Variants in MAST4 observed in about 807,000 individuals in gnomAD.
MAST4 encodes microtubule-associated serine/threonine-protein kinase 4.
Under a neutral mutation model 162.7 loss-of-function variants are expected in MAST4, and 89 were observed. The ratio of observed to expected loss-of-function variants is 0.55; its 90% confidence interval spans 0.46 to 0.65. MAST4 has a LOEUF of 0.65. Among genes scored for constraint, MAST4 ranks in the 30% least tolerant of loss-of-function variants. The pLI is 0.00. For missense variants in MAST4, 3,153 were observed against 3,374.0 expected (o/e 0.93, Z 1.62); for synonymous variants, 1,479 against 1,361.1 (o/e 1.09, Z -1.91).
At chr5:67,049,751 G>T (rs909173617) in intron 4 of MAST4, among the ~76,000 whole-genome samples, 9 of 152,300 alleles carry the variant, frequency 5.9e-5, no homozygotes, top group African/African-American at 2.2e-4. Context: ...ATCACTGCCT[G>T]TCGGGGTTTC....
At chr5:67,121,498 A>G (rs1486073177) in intron 14 of MAST4, among the ~76,000 whole-genome samples, 2 of 151,664 alleles carry the variant, frequency 1.3e-5, no homozygotes, top group East Asian at 1.9e-4. Flanking sequence ...CTACATGAAA[A>G]TTAGCCTGTA....
chr5:67,072,966 T>G (rs564704272), intron 5 of MAST4, among the ~76,000 whole-genome samples: 2 of 152,364 alleles, frequency 1.3e-5, no homozygotes, highest in South Asian at 4.1e-4. Context: ...ATTGTTATTT[T>G]CCCCAAATTA....
chr5:67,111,131 ACTGTGAACAAATATTTGT>A (rs1353670001), intron 11 of MAST4, among the ~76,000 whole-genome samples: 5 of 152,210 alleles, frequency 3.3e-5, no homozygotes, highest in African/African-American at 1.2e-4. Context: ...TTCAGTTAAA[ACTGTGAACAAATATTTGT>A]CTGTGAACAT....
intron 4 of MAST4, among the ~76,000 whole-genome samples, chr5:67,049,524 ATAGT>A (rs1054843368): frequency 2.0e-5 from 3 of 152,154 alleles, no homozygotes; most frequent in African/African-American, 4.8e-5. Flanking sequence ...GTGTGAGGAA[ATAGT>A]TAGCAGATGT....
intron 23 of MAST4, among the ~76,000 whole-genome samples, chr5:67,145,809 A>G (rs1409615215): frequency 6.6e-6 from 1 of 152,218 alleles, no homozygotes; most frequent in Non-Finnish European, 1.5e-5. Flanking sequence ...GATGTCTTGA[A>G]TCACCCTAAG....
At chr5:67,004,783 GTTAA>G (rs1561522835) in intron 4 of MAST4, 3 of 532,706 alleles carry the variant, frequency 5.6e-6, no homozygotes, top group East Asian at 6.3e-5. Flanking sequence ...GAGGCTGTGT[GTTAA>G]TTAAAGGCTA....
intron 1 of MAST4, among the ~76,000 whole-genome samples, chr5:66,647,076 A>C (rs1745889124): frequency 6.6e-6 from 1 of 152,144 alleles, no homozygotes; most frequent in African/African-American, 2.4e-5. Flanking sequence ...ATAATATTAT[A>C]GGATTAAGAT....
At chr5:67,011,979 C>T (rs567435848) in intron 4 of MAST4, among the ~76,000 whole-genome samples, 1 of 151,646 alleles carries the variant, frequency 6.6e-6, no homozygotes, top group African/African-American at 2.4e-5. Flanking sequence ...CATGGGGAGG[C>T]ATGGTCTATT....
chr5:66,799,631 T>C (rs937065198), intron 3 of MAST4, among the ~76,000 whole-genome samples: 2 of 152,220 alleles, frequency 1.3e-5, no homozygotes, highest in African/African-American at 4.8e-5. Context: ...TATTGGAGAA[T>C]TTCTTGGATG....
At chr5:67,142,030 A>C in intron 19 of MAST4, 85 bp from the exon 20 acceptor site, 2 of 1,388,860 alleles carry the variant, frequency 1.4e-6, no homozygotes, top group East Asian at 2.3e-5. Context: ...ATGTTCTCAA[A>C]ATTGTTGTTA....
chr5:66,769,286 TG>T (rs1248585142), intron 2 of MAST4, among the ~76,000 whole-genome samples: 1 of 151,780 alleles, frequency 6.6e-6, no homozygotes, highest in East Asian at 1.9e-4. Context: ...GTGCCCATGG[TG>T]TGATATTTCT....
chr5:66,793,763 C>G (rs1198392351), intron 3 of MAST4, among the ~76,000 whole-genome samples: 1 of 152,168 alleles, frequency 6.6e-6, no homozygotes, highest in East Asian at 1.9e-4. Flanking sequence ...TCACATTCTT[C>G]CCATTGAGGT....
chr5:66,868,431 A>T (rs747857209), intron 3 of MAST4, among the ~76,000 whole-genome samples: 13 of 150,764 alleles, frequency 8.6e-5, no homozygotes, highest in Non-Finnish European at 1.6e-4. Flanking sequence ...ATATATATGT[A>T]TATACATATA....
chr5:67,074,998 C>G (rs192582396), intron 5 of MAST4, among the ~76,000 whole-genome samples: 1 of 152,216 alleles, frequency 6.6e-6, no homozygotes, highest in East Asian at 1.9e-4. Context: ...GTAGCGTTTT[C>G]CAACATTAGT....
chr5:66,834,377 AG>A (rs1184496278), intron 3 of MAST4, among the ~76,000 whole-genome samples: 1 of 152,194 alleles, frequency 6.6e-6, no homozygotes, highest in African/African-American at 2.4e-5. Flanking sequence ...TCATATCTGC[AG>A]GGAGGTACCA....
chr5:66,911,494 G>C (rs975164387), intron 4 of MAST4, among the ~76,000 whole-genome samples: 2 of 148,020 alleles, frequency 1.4e-5, no homozygotes, highest in Non-Finnish European at 3.0e-5. Context: ...TTGAGGTCTG[G>C]AGTTGGAAAC....
intron 1 of MAST4, among the ~76,000 whole-genome samples, chr5:66,643,940 T>C (rs2149438839): frequency 6.6e-6 from 1 of 151,222 alleles, no homozygotes; most frequent in South Asian, 2.1e-4. Flanking sequence ...AAGTATAAAA[T>C]GAATTTTGAT....
chr5:66,786,944 C>T (rs971873736), intron 2 of MAST4, among the ~76,000 whole-genome samples: 1 of 152,076 alleles, frequency 6.6e-6, no homozygotes, highest in African/African-American at 2.4e-5. Flanking sequence ...TGACAAAAAT[C>T]AGTATCACAT....
intron 1 of MAST4, among the ~76,000 whole-genome samples, chr5:66,670,927 G>A (rs1370049222): frequency 3.3e-5 from 5 of 151,968 alleles, no homozygotes; most frequent in African/African-American, 1.2e-4. Context: ...GTCCCAATTT[G>A]GAAAGATAAA....
Sources: gnomAD v4.1 joint callset for allele counts (sites outside exome capture counted in the v4.1 genomes callset) on GRCh38, gnomAD v4.1.1 for gene constraint, MANE v1.5 for transcripts, NCBI Gene and HGNC (gene_info 2026-07-23, HGNC 2026-07-21) for gene names.